Variants in FOCAD observed in about 807,000 individuals in gnomAD.
FOCAD encodes the protein focadhesin.
Under a neutral mutation model 225.6 loss-of-function variants are expected in FOCAD, and 198 were observed. The ratio of observed to expected loss-of-function variants is 0.88; its 90% CI spans 0.78 to 0.99. The LOEUF is 0.99. Among genes scored for constraint, FOCAD ranks in the 50% least tolerant of loss-of-function variants. FOCAD has a pLI of 0.00. For synonymous variants in FOCAD, 897 were observed against 755.0 expected (o/e 1.19, Z -3.08); for missense variants, 2,713 against 2,123.6 (o/e 1.28, Z -5.46).
chr9:20,838,126 G>A (rs973548827), intron 15 of FOCAD, among the ~76,000 whole-genome samples: 5 of 152,012 alleles, frequency 3.3e-5, no homozygotes, highest in African/African-American at 1.2e-4. Context: ...TTATTTTTAA[G>A]TTTAGAAACG....
rs532907542 is a variant in FOCAD at position 20,956,922 on chromosome 9, G to A, written c.4132+3857G>A. 2.1e-3 allele frequency among the ~76,000 whole-genome samples: 314 copies of A among 152,200 alleles called. 2 individuals carry two copies. The highest frequency in any genetic ancestry group is 7.3e-3 in the African/African-American group (304 of 41,508). The stretch of plus-strand genomic sequence containing the variant: ...GTGGTCAGGCTGGTCTTGAACTCCC[G>A]ACCTCAGGTGATCCGCCTGCCTCGG... On this transcript the variant is annotated intron_variant, in intron 35 of 43. Coordinates refer to ENST00000338382, the MANE Select transcript of FOCAD (RefSeq NM_001375567.1).
chr9:20,874,991 G>GA (rs970235064), intron 19 of FOCAD, 184 bp downstream of exon 19: 60 of 683,442 alleles, frequency 8.8e-5, no homozygotes, highest in Non-Finnish European at 1.3e-4. Context: ...TAAATCATAC[G>GA]AAAAAACGTT....
intron 11 of FOCAD, among the ~76,000 whole-genome samples, chr9:20,815,128 T>C: frequency 1.1e-5 from 1 of 88,412 alleles, no homozygotes; most frequent in East Asian, 2.8e-4. Flanking sequence ...TCTTTGTTTT[T>C]TTTTTTTTGT....
At chr9:20,799,886 C>T (rs898356351) in intron 11 of FOCAD, among the ~76,000 whole-genome samples, 1 of 152,060 alleles carries the variant, frequency 6.6e-6, no homozygotes, top group African/African-American at 2.4e-5. Flanking sequence ...TTGATCCTGT[C>T]ATTATGATGT....
At chr9:20,705,061 C>T (rs1297372706) in intron 1 of FOCAD, among the ~76,000 whole-genome samples, 1 of 152,150 alleles carries the variant, frequency 6.6e-6, no homozygotes, top group African/African-American at 2.4e-5. Flanking sequence ...TTTTCTTTGC[C>T]TCAGTGTCTT....
chr9:20,783,257 A>C (rs1819580424), intron 10 of FOCAD, among the ~76,000 whole-genome samples: 1 of 152,202 alleles, frequency 6.6e-6, no homozygotes, highest in African/African-American at 2.4e-5. Flanking sequence ...GCTGGTAAAG[A>C]GGAGGGGCAG....
At chr9:20,774,608 CAT>C (rs1194187353) in intron 8 of FOCAD, among the ~76,000 whole-genome samples, 1 of 152,162 alleles carries the variant, frequency 6.6e-6, no homozygotes, top group African/African-American at 2.4e-5. Context: ...TGAATTTAAA[CAT>C]ATTTGATGCA....
chr9:20,947,328 A>G (rs1837276375), intron 30 of FOCAD, among the ~76,000 whole-genome samples: 1 of 152,212 alleles, frequency 6.6e-6, no homozygotes, highest in Admixed American at 6.5e-5. Flanking sequence ...AAAAAGAAGG[A>G]AGTTCTGATA....
chr9:20,819,931 A>C (rs1268340947), intron 12 of FOCAD, 31 bp downstream of exon 12: 2 of 1,295,882 alleles, frequency 1.5e-6, no homozygotes, highest in Admixed American at 4.5e-5. Context: ...AGTTGGCGAA[A>C]AAAGTGAGTC....
intron 24 of FOCAD, among the ~76,000 whole-genome samples, chr9:20,919,859 C>G (rs964600780): frequency 5.9e-5 from 9 of 152,008 alleles, no homozygotes; most frequent in South Asian, 4.2e-4. Context: ...CATAAAAACC[C>G]TAGAAGAAAA....
Position 20,776,579 on chromosome 9 carries a change from A to G in FOCAD, c.907-2102A>G, listed in dbSNP as rs572236739. 1.2e-4 allele frequency among the ~76,000 whole-genome samples: 19 copies of G among 152,140 alleles called. 1 individual carries two copies. The East Asian group carries it at 3.7e-3, about 29-fold the overall frequency. ...GATCTTGAATCTCCACCTCTTTTCC[A>G]TTCACCCTCTATTCTGAACAGGCCA... On this transcript the variant is annotated intron_variant, in intron 8 of 43. Coordinates refer to ENST00000338382, the MANE Select transcript of FOCAD (RefSeq NM_001375567.1).
At chr9:20,821,773 T>C (rs1587302020) in intron 14 of FOCAD, among the ~76,000 whole-genome samples, 1 of 152,012 alleles carries the variant, frequency 6.6e-6, no homozygotes, top group Admixed American at 6.6e-5. Context: ...AGCCACTGCG[T>C]TGAATTCCTG....
chr9:20,698,602 G>A (rs1268355052), intron 1 of FOCAD, among the ~76,000 whole-genome samples: 9 of 152,052 alleles, frequency 5.9e-5, no homozygotes, highest in Non-Finnish European at 1.0e-4. Context: ...GTCTCACTAT[G>A]TTGCCCAGGC....
chr9:20,775,417 A>G (rs1818657057), intron 8 of FOCAD, among the ~76,000 whole-genome samples: 1 of 152,192 alleles, frequency 6.6e-6, no homozygotes, highest in South Asian at 2.1e-4. Flanking sequence ...CTGATGACTC[A>G]GTTCCAACCA....
At chr9:20,758,867 C>T (rs1336436015) in intron 6 of FOCAD, among the ~76,000 whole-genome samples, 1 of 152,010 alleles carries the variant, frequency 6.6e-6, no homozygotes, top group Non-Finnish European at 1.5e-5. Context: ...TCTAGAAAAC[C>T]CCACTGACTC....
chr9:20,674,122 T>C (rs1259151282), intron 2 of FOCAD, among the ~76,000 whole-genome samples: 1 of 152,206 alleles, frequency 6.6e-6, no homozygotes, highest in Non-Finnish European at 1.5e-5. Context: ...AAACTACTTG[T>C]TAAACACAGT....
intron 28 of FOCAD, among the ~76,000 whole-genome samples, chr9:20,940,837 C>G (rs538855962): frequency 6.6e-6 from 1 of 152,156 alleles, no homozygotes; most frequent in Non-Finnish European, 1.5e-5. Context: ...ACTTCAAAGC[C>G]ATTTTTCTTT....
At position 20,761,341 on chromosome 9, in the gene FOCAD, G is replaced by A. The variant is rs1379324944; in HGVS notation, c.494+3150G>A. On this transcript the variant is annotated intron_variant, in intron 6 of 43. Coordinates refer to ENST00000338382, the MANE Select transcript of FOCAD (RefSeq NM_001375567.1). ...ACATAATTTTTCAGATGAGAGAACC[G>A]AGGAGAGCAACATTAAACGACTTAC... Among the ~76,000 whole-genome samples the A allele has an allele frequency of 3.9e-5, 6 of 152,136 alleles. No individual in the cohort carries two copies. In the East Asian group the frequency reaches 5.8e-4, roughly 15 times the overall value.
chr9:20,827,350 T>C (rs1321050527), intron 15 of FOCAD, among the ~76,000 whole-genome samples: 1 of 152,116 alleles, frequency 6.6e-6, no homozygotes, highest in Non-Finnish European at 1.5e-5. Context: ...ATTTTCAAGG[T>C]TCATCCATGT....
Sources: gnomAD v4.1 joint callset for allele counts (sites outside exome capture counted in the v4.1 genomes callset) on GRCh38, gnomAD v4.1.1 for gene constraint, MANE v1.5 for transcripts, NCBI Gene and HGNC (gene_info 2026-07-23, HGNC 2026-07-21) for gene names.